The following CPLX2 variants were observed in gnomAD, a reference collection of about 807,000 sequenced individuals.
CPLX2 encodes complexin-2.
CPLX2 carries 5 observed loss-of-function variants against 16.3 expected under a neutral mutation model. That is an observed-to-expected ratio of 0.31 (90% CI 0.16 to 0.64). CPLX2 has a LOEUF of 0.64. CPLX2 is among the 30% of genes least tolerant of loss of function. The pLI, the probability that CPLX2 is intolerant of heterozygous loss-of-function variation, is 0.79. For missense variants in CPLX2, 144 were observed against 181.4 expected (o/e 0.79, Z 1.18); for synonymous variants, 89 against 73.2 (o/e 1.22, Z -1.10).
chr5:175,878,829 C>A lies in CPLX2; in HGVS notation c.31+59C>A, dbSNP rs989448433. On this transcript the variant is annotated intron_variant, in intron 2 of 3. Transcript: ENST00000393745. ...CGGTCCCACCCTTGTGGGAGGTGGCCTCGGCCCACCCGGCCCCTCTCTCCC... is the reference window on the plus strand; with the variant it reads ...CGGTCCCACCCTTGTGGGAGGTGGCATCGGCCCACCCGGCCCCTCTCTCCC... 30 of 1,609,050 alleles carry A rather than the reference C, an allele frequency of 1.9e-5. No individual in the cohort carries two copies. In the African/African-American group the frequency reaches 3.6e-4, roughly 19 times the overall value.
chr5:175,806,919 G>A (rs367781293), intron 1 of CPLX2, among the ~76,000 whole-genome samples: 12 of 152,164 alleles, frequency 7.9e-5, no homozygotes, highest in African/African-American at 2.9e-4. Flanking sequence ...CTGGGCCTCC[G>A]TGCCATCCTC....
intron 2 of CPLX2, among the ~76,000 whole-genome samples, chr5:175,843,325 G>GAA (rs1758979987): frequency 6.6e-6 from 1 of 152,172 alleles, no homozygotes; most frequent in African/African-American, 2.4e-5. Flanking sequence ...GGCTCCCAAG[G>GAA]CACACACACT....
At chr5:175,816,613 C>T (rs1041028972) in intron 2 of CPLX2, among the ~76,000 whole-genome samples, 28 of 152,344 alleles carry the variant, frequency 1.8e-4, no homozygotes, top group African/African-American at 5.1e-4. Context: ...CAAGCCCTGA[C>T]CTGCCGCTGG....
intron 1 of CPLX2, among the ~76,000 whole-genome samples, chr5:175,808,372 CAA>C (rs1758251641): frequency 6.6e-6 from 1 of 152,020 alleles, no homozygotes; most frequent in African/African-American, 2.4e-5. Context: ...GCTCTGGAAA[CAA>C]AGTCATGTAA....
intron 1 of CPLX2, among the ~76,000 whole-genome samples, chr5:175,873,327 C>T (rs993374013): frequency 4.6e-5 from 7 of 151,778 alleles, no homozygotes; most frequent in Admixed American, 1.3e-4. Context: ...GTTGCACACA[C>T]GGGGTCATAC....
chr5:175,799,280 A>G (rs1758044215), intron 1 of CPLX2, among the ~76,000 whole-genome samples: 1 of 152,114 alleles, frequency 6.6e-6, no homozygotes, highest in Admixed American at 6.5e-5. Flanking sequence ...TTGATTTGGA[A>G]ATCATCAAGC....
intron 2 of CPLX2, among the ~76,000 whole-genome samples, chr5:175,839,279 T>C (rs1758901957): frequency 6.6e-6 from 1 of 151,684 alleles, no homozygotes; most frequent in South Asian, 2.1e-4. Flanking sequence ...TTTTTTGTTT[T>C]GTTTGTTTGT....
chr5:175,871,410 G>GGAGAGAGAGAGAGAGAGAGAGA (rs72487413), upstream of CPLX2: 2 of 28,682 alleles, frequency 7.0e-5, no homozygotes, highest in African/African-American at 2.5e-4. Flanking sequence ...AAGAGAGAGA[G>GGAGAGAGAGAGAGAGAGAGAGA]GAGAGAGAGA....
At chr5:175,868,189 C>T (rs1178273651), upstream of CPLX2, among the ~76,000 whole-genome samples, 1 of 152,184 alleles carries the variant, frequency 6.6e-6, no homozygotes, top group East Asian at 1.9e-4. Context: ...TCCTAGACAC[C>T]CCCTCACCTC....
At chr5:175,819,814 C>A (rs946313035) in intron 2 of CPLX2, among the ~76,000 whole-genome samples, 9 of 152,182 alleles carry the variant, frequency 5.9e-5, no homozygotes, top group African/African-American at 2.2e-4. Flanking sequence ...GAAGGGCCTG[C>A]CCAAGGTCTC....
At chr5:175,866,950 A>G (rs1261994102), upstream of CPLX2, among the ~76,000 whole-genome samples, 2 of 152,046 alleles carry the variant, frequency 1.3e-5, no homozygotes, top group Non-Finnish European at 2.9e-5. Context: ...TTGGTGGTGC[A>G]CCCCTGTAGT....
rs751759019 is a variant in CPLX2 at position 175,879,053 on chromosome 5, G to T, written c.177G>T (p.Arg59=). 4 of 1,584,568 alleles carry T rather than the reference G, an allele frequency of 2.5e-6. No homozygotes were observed. The highest frequency in any genetic ancestry group is 1.8e-5 in the Admixed American group (1 of 56,394). Residue 59 remains arginine, a synonymous_variant, in exon 3 of 4, where the codon CGG becomes CGT. Transcript: ENST00000393745. The part of the protein sequence containing the change: ...KAKHARMEAE[R]EKVRQQIRDK... ...AGCACGCGCGCATGGAGGCGGAGCG[G>T]GAGAAGGTCCGGCAGCAGATCCGAG...
chr5:175,851,600 G>A lies in CPLX2; in HGVS notation c.-88-27052G>A, dbSNP rs139753407. 6.3e-4 allele frequency among the ~76,000 whole-genome samples: 96 copies of A among 152,324 alleles called. 1 individual carries two copies. The East Asian group carries it at 9.5e-3, about 15-fold the overall frequency. On this transcript the variant is annotated intron_variant, in intron 2 of 4. Transcript: ENST00000359546. ...GCAAGGCCCACAGAGGAATGGCTGC[G>A]GAAGCTCCCTCATCCACACTCCAGG...
chr5:175,837,458 T>C (rs1758859345), intron 2 of CPLX2: 1 of 152,238 alleles, frequency 6.6e-6, no homozygotes, highest in African/African-American at 2.4e-5. Context: ...TGCACACTAA[T>C]TGCTGATTAA....
chr5:175,858,583 G>C (rs746713942), intron 2 of CPLX2, among the ~76,000 whole-genome samples: 12 of 152,226 alleles, frequency 7.9e-5, no homozygotes, highest in Non-Finnish European at 1.2e-4. Flanking sequence ...GGCGAAGGAG[G>C]AGCAGCTGCC....
At chr5:175,834,639 G>A (rs112106125) in intron 2 of CPLX2, among the ~76,000 whole-genome samples, 2 of 152,122 alleles carry the variant, frequency 1.3e-5, no homozygotes, top group African/African-American at 2.4e-5. Context: ...TTGGCAGGCC[G>A]AAGTGGACAG....
intron 2 of CPLX2, among the ~76,000 whole-genome samples, chr5:175,843,445 G>T (rs984251217): frequency 6.6e-6 from 1 of 152,250 alleles, no homozygotes; most frequent in Non-Finnish European, 1.5e-5. Context: ...GCACACATGT[G>T]TGCATGCTTA....
At position 175,879,983 on chromosome 5, in the gene CPLX2, A is replaced by C; in HGVS notation, c.343A>C (p.Ser115Arg). 1 of 1,614,046 alleles carries C rather than the reference A, an allele frequency of 6.2e-7. No homozygotes were observed. Among genetic ancestry groups the C allele is most frequent in the Non-Finnish European group, 8.5e-7 (1 of 1,179,982 alleles). ...GGACGAGGAGGAGGAGGAAGAGGAG[A>C]GCATCCTGGACACGGTGCTCAAATA... is the stretch of plus-strand genomic sequence containing the variant. ...CGDEEEEEEE[S>R]ILDTVLKYLP... Residue 115 changes from serine to arginine, a missense_variant, in exon 4 of 4, where the codon AGC (serine) becomes CGC (arginine). Transcript: ENST00000393745.
intron 2 of CPLX2, among the ~76,000 whole-genome samples, chr5:175,847,045 T>C (rs1358504826): frequency 6.6e-6 from 1 of 152,072 alleles, no homozygotes; most frequent in East Asian, 1.9e-4. Flanking sequence ...ATCAACAAGG[T>C]GGTGGCACCA....
Sources: allele counts gnomAD v4.1 joint callset (sites outside exome capture counted in the v4.1 genomes callset), GRCh38; gene constraint gnomAD v4.1.1; transcripts MANE v1.5; gene names NCBI Gene and HGNC (gene_info 2026-07-23, HGNC 2026-07-21).